The following MPRIP variants were observed in gnomAD, a reference collection of about 807,000 sequenced individuals.
MPRIP encodes myosin phosphatase Rho interacting protein.
Under a neutral mutation model 234.9 loss-of-function variants are expected in MPRIP, and 59 were observed. The observed-to-expected ratio is 0.25, with a 90% confidence interval of 0.20 to 0.31. The LOEUF (loss-of-function observed/expected upper bound fraction) is 0.31. MPRIP is among the 10% of genes least tolerant of loss of function. MPRIP has a pLI of 1.00. For synonymous variants in MPRIP, 1,144 were observed against 1,263.9 expected (o/e 0.91, Z 2.01); for missense variants, 2,436 against 3,071.0 (o/e 0.79, Z 4.89).
chr17:17,185,113 G>A lies in MPRIP; in HGVS notation c.*219G>A, dbSNP rs553941784. On this transcript the variant is annotated 3_prime_UTR_variant, in exon 24 of 24. Transcript: ENST00000651222. ...GTTGTCTTCATCAAAGCTTTTTTCC[G>A]TGGTATTCTAAAATTAGGCCAGCAG... is the stretch of plus-strand genomic sequence containing the variant. The A allele has an allele frequency of 5.6e-4, 233 of 414,742 alleles. No individual in the cohort carries two copies. Among genetic ancestry groups the A allele is most frequent in the Middle Eastern group, 1.5e-3 (2 of 1,356 alleles). 25.7% of individuals were successfully genotyped at this position (414,742 alleles called of 1,614,324 possible).
intron 3 of MPRIP, among the ~76,000 whole-genome samples, chr17:17,082,948 AT>A (rs959724953): frequency 1.3e-5 from 2 of 152,106 alleles, no homozygotes; most frequent in Non-Finnish European, 2.9e-5. Flanking sequence ...CTCCCTCCTG[AT>A]TGTGGTAGGT....
intron 11 of MPRIP, 30 bp from the exon 12 acceptor site, chr17:17,150,114 A>G (rs774960934): frequency 3.8e-6 from 6 of 1,577,372 alleles, no homozygotes; most frequent in Non-Finnish European, 5.2e-6. Context: ...CTTCCTAAAA[A>G]TCTCAAGACA....
intron 23 of MPRIP, among the ~76,000 whole-genome samples, chr17:17,184,071 TC>T (rs1398509840): frequency 2.6e-5 from 4 of 152,238 alleles, no homozygotes; most frequent in Non-Finnish European, 5.9e-5. Flanking sequence ...AAAGTGCTCT[TC>T]CTTTTCTTAT....
rs1479697283 is a variant in MPRIP at position 17,061,943 on chromosome 17, C to CT, written c.124-13766dup. On this transcript the variant is annotated intron_variant, in intron 1 of 23. Coordinates refer to ENST00000651222, the MANE Select transcript of MPRIP (RefSeq NM_001364716.4). ...GAGGCATTCTTGATTGTGCAGTTAC[C>CT]TAGGGTATGCTTGTGTCTGACATGA... Among the ~76,000 whole-genome samples the CT allele has an allele frequency of 9.2e-5, 14 of 152,044 alleles. No individual in the cohort carries two copies. In the South Asian group the frequency reaches 2.9e-3, roughly 32 times the overall value.
chr17:17,176,593 C>G (rs1396264658), intron 21 of MPRIP, 81 bp downstream of exon 21: 3 of 1,095,164 alleles, frequency 2.7e-6, no homozygotes, highest in Non-Finnish European at 4.2e-6. Context: ...GGCTGGTGCT[C>G]AGCGCGGGCT....
intron 2 of MPRIP, chr17:17,077,798 A>T: frequency 1.9e-6 from 1 of 536,958 alleles, no homozygotes. Context: ...TCAATCACTC[A>T]TGTGATTTGG....
At chr17:17,161,484 C>T in intron 15 of MPRIP, 128 bp downstream of exon 15, 1 of 540,718 alleles carries the variant, frequency 1.8e-6, no homozygotes, top group South Asian at 3.2e-5. Context: ...GCTCATGCCC[C>T]TGGGCTTTTC....
Position 17,135,111 on chromosome 17 carries a change from G to A in MPRIP, c.505-1108G>A, listed in dbSNP as rs372611377. 2.6e-5 allele frequency among the ~76,000 whole-genome samples: 4 copies of A among 152,370 alleles called. No homozygotes were observed. In the South Asian group the frequency reaches 6.2e-4, roughly 24 times the overall value. ...AGGGGCCAAAGCCATCCTGTTGGCA[G>A]CCCTCTGGGCAGGGTTGTTGGGGCC... On this transcript the variant is annotated intron_variant, in intron 5 of 23. Coordinates refer to ENST00000651222, the MANE Select transcript of MPRIP (RefSeq NM_001364716.4).
rs1284465659 is a variant in MPRIP at position 17,101,583 on chromosome 17, T to C, written c.267+23507T>C. Among the ~76,000 whole-genome samples the C allele has an allele frequency of 3.4e-5, 5 of 149,080 alleles. No homozygotes were observed. The South Asian group carries it at 8.7e-4, about 26-fold the overall frequency. On this transcript the variant is annotated intron_variant, in intron 3 of 23. Coordinates refer to ENST00000651222, the MANE Select transcript of MPRIP (RefSeq NM_001364716.4). ...GAAACTCCATCTCAAAAAAAATTTT[T>C]TTTAAACAACAACAACAAAAAAAAT...
chr17:17,064,288 G>A (rs746609269), intron 1 of MPRIP, among the ~76,000 whole-genome samples: 2 of 150,288 alleles, frequency 1.3e-5, no homozygotes, highest in Non-Finnish European at 2.9e-5. Context: ...TGCAACCTCC[G>A]CTTCCTGGGT....
Position 17,131,649 on chromosome 17 carries a change from C to T in MPRIP, c.452C>T (p.Thr151Ile), listed in dbSNP as rs766767938. The change falls in exon 5 of 24, where the codon ACC becomes ATC. Residue 151 changes from threonine (T) to isoleucine (I), a missense_variant. Thr to Ile is a moderately conservative substitution (Grantham distance 89). Transcript: ENST00000651222. ...GAGATGCTCATGGTCTATCCCCGGA[C>T]CAACAAGCAGAATCAGAAGAAGAAA... ...WLEMLMVYPR[T>I]NKQNQKKKRK... 5 of 1,614,164 alleles carry T rather than the reference C, an allele frequency of 3.1e-6. No individual in the cohort carries two copies. In the Admixed American group the frequency reaches 8.3e-5, roughly 27 times the overall value.
At chr17:17,172,063 G>T (rs1000705220) in intron 17 of MPRIP, among the ~76,000 whole-genome samples, 198 bp downstream of exon 17, 1 of 152,194 alleles carries the variant, frequency 6.6e-6, no homozygotes, top group Non-Finnish European at 1.5e-5. Context: ...AACTGAGAGC[G>T]CACACTTCGA....
intron 15 of MPRIP, among the ~76,000 whole-genome samples, chr17:17,163,609 G>A (rs546420914): frequency 5.3e-5 from 8 of 152,202 alleles, no homozygotes; most frequent in South Asian, 2.1e-4. Flanking sequence ...GACATCTCCC[G>A]AGTGTTACCT....
intron 5 of MPRIP, among the ~76,000 whole-genome samples, chr17:17,135,489 A>G (rs1349143930): frequency 6.6e-6 from 1 of 152,232 alleles, no homozygotes; most frequent in African/African-American, 2.4e-5. Flanking sequence ...TCTGTCTGCT[A>G]TAATAAAATA....
intron 1 of MPRIP, among the ~76,000 whole-genome samples, chr17:17,052,176 T>C (rs534015715): frequency 6.6e-6 from 1 of 152,252 alleles, no homozygotes; most frequent in South Asian, 2.1e-4. Context: ...TTCAGCTCCA[T>C]GAGGCTCCCG....
At chr17:17,084,569 T>C (rs2089542388) in intron 3 of MPRIP, among the ~76,000 whole-genome samples, 2 of 152,250 alleles carry the variant, frequency 1.3e-5, no homozygotes, top group South Asian at 4.1e-4. Flanking sequence ...CAAGGCAGAC[T>C]CCTGCTGAGA....
chr17:17,137,259 A>G (rs1165850413), intron 6 of MPRIP, among the ~76,000 whole-genome samples: 1 of 152,208 alleles, frequency 6.6e-6, no homozygotes, highest in African/African-American at 2.4e-5. Flanking sequence ...CACGCCTATA[A>G]TCCCAGCACT....
chr17:17,094,034 C>T (rs1202990409), intron 3 of MPRIP, among the ~76,000 whole-genome samples: 1 of 152,182 alleles, frequency 6.6e-6, no homozygotes, highest in Non-Finnish European at 1.5e-5. Context: ...TTGACCTTCC[C>T]CATCATCCTG....
intron 3 of MPRIP, among the ~76,000 whole-genome samples, chr17:17,103,325 C>G (rs1405458962): frequency 6.6e-6 from 1 of 152,206 alleles, no homozygotes; most frequent in Non-Finnish European, 1.5e-5. Context: ...GCCATGTGTC[C>G]CCATCAGCAC....
Sources: gnomAD v4.1 joint callset for allele counts (sites outside exome capture counted in the v4.1 genomes callset) on GRCh38, gnomAD v4.1.1 for gene constraint, MANE v1.5 for transcripts, NCBI Gene and HGNC (gene_info 2026-07-23, HGNC 2026-07-21) for gene names.